The following TASP1 variants were observed in gnomAD, a reference collection of about 807,000 sequenced individuals.
TASP1 encodes the protein taspase 1.
A neutral mutation model predicts 56.6 loss-of-function variants in TASP1; 16 were observed. The observed-to-expected ratio is 0.28, with a 90% CI of 0.19 to 0.43. TASP1 has a LOEUF of 0.43. Among genes scored for constraint, TASP1 ranks in the 20% least tolerant of loss-of-function variants. TASP1 has a pLI of 1.00. For missense variants in TASP1, 393 were observed against 511.6 expected (o/e 0.77, Z 2.24); for synonymous variants, 179 against 184.2 (o/e 0.97, Z 0.23).
At chr20:13,610,590 T>C (rs1271824495) in intron 4 of TASP1, among the ~76,000 whole-genome samples, 1 of 152,162 alleles carries the variant, frequency 6.6e-6, no homozygotes, top group African/African-American at 2.4e-5. Flanking sequence ...CAAAATAAGA[T>C]TGCAAATTTT....
chr20:13,241,499 C>T, the TASP1 span, among the ~76,000 whole-genome samples: 6 of 152,046 alleles, frequency 3.9e-5, no homozygotes, highest in Admixed American at 2.0e-4. Flanking sequence ...ATTGGCCTTT[C>T]ACAGAAGCAG....
chr20:13,323,123 C>T, the TASP1 span, among the ~76,000 whole-genome samples: 2 of 152,050 alleles, frequency 1.3e-5, no homozygotes, highest in Non-Finnish European at 2.9e-5. Flanking sequence ...GCAATCAGAC[C>T]ACAACATGGA....
the TASP1 span, among the ~76,000 whole-genome samples, chr20:13,358,019 A>G: frequency 6.6e-6 from 1 of 152,172 alleles, no homozygotes; most frequent in Non-Finnish European, 1.5e-5. Flanking sequence ...ATTCCCCCAC[A>G]AAAGAAGTGT....
chr20:13,343,967 C>T, the TASP1 span, among the ~76,000 whole-genome samples: 4 of 152,046 alleles, frequency 2.6e-5, no homozygotes, highest in African/African-American at 7.2e-5. Context: ...CGGGCTTCTG[C>T]GCACTTCCTG....
In TASP1 at chr20:13,558,919, A is replaced by T. The variant is rs2046251657; in HGVS notation, c.675+89T>A. 4.1e-6 allele frequency: 3 copies of T among 729,342 alleles called. No homozygotes were observed. The East Asian group carries it at 8.7e-5, about 21-fold the overall frequency. 45.2% of individuals were successfully genotyped at this position (729,342 alleles called of 1,614,324 possible). A position where few individuals can be genotyped will look rare whatever the true frequency, so the allele number is the denominator to read the frequency against. Reference sequence around the variant, plus strand: ...CATATGTGACACACATTCTATTTCTACTGAATTGTATCGTCCTAAAGCTTG... The same window carrying T: ...CATATGTGACACACATTCTATTTCTTCTGAATTGTATCGTCCTAAAGCTTG... On this transcript the variant is annotated intron_variant, in intron 8 of 13. Transcript: ENST00000337743.
At chr20:13,497,503 G>A (rs2043776380) in intron 10 of TASP1, among the ~76,000 whole-genome samples, 3 of 152,196 alleles carry the variant, frequency 2.0e-5, no homozygotes, top group Admixed American at 1.3e-4. Flanking sequence ...GAGAAAGAGA[G>A]AAATTCCCCC....
chr20:13,632,318 T>C (rs2049123264), intron 1 of TASP1, among the ~76,000 whole-genome samples: 1 of 135,492 alleles, frequency 7.4e-6, no homozygotes, highest in Non-Finnish European at 1.5e-5. Flanking sequence ...TGAGCAGAGA[T>C]CACGCCACTG....
At chr20:13,288,728 T>C in the TASP1 span, 1 of 1,557,344 alleles carries the variant, frequency 6.4e-7, no homozygotes, top group Non-Finnish European at 8.7e-7. Flanking sequence ...GGGGAAAGCT[T>C]TTTAATTTAT....
intron 11 of TASP1, among the ~76,000 whole-genome samples, chr20:13,450,564 T>C (rs1204338488): frequency 6.6e-6 from 1 of 152,112 alleles, no homozygotes; most frequent in Non-Finnish European, 1.5e-5. Context: ...AAGAAATCAC[T>C]TTCTTTGCTC....
intron 7 of TASP1, 42 bp downstream of exon 7, chr20:13,569,465 T>C: frequency 6.8e-7 from 1 of 1,469,876 alleles, no homozygotes. Context: ...ACTTTAGGTA[T>C]ATATGCTCAT....
intron 11 of TASP1, among the ~76,000 whole-genome samples, chr20:13,436,798 G>A (rs2043021114): frequency 6.6e-6 from 1 of 152,102 alleles, no homozygotes; most frequent in Non-Finnish European, 1.5e-5. Context: ...ACACCCCCAA[G>A]AAAACGTGTC....
intron 11 of TASP1, among the ~76,000 whole-genome samples, chr20:13,476,542 T>C (rs926978766): frequency 6.6e-6 from 1 of 152,182 alleles, no homozygotes; most frequent in African/African-American, 2.4e-5. Flanking sequence ...TCACCTTATA[T>C]TTTATTTACT....
At chr20:13,108,407 G>C in the TASP1 span, among the ~76,000 whole-genome samples, 6 of 152,138 alleles carry the variant, frequency 3.9e-5, no homozygotes, top group African/African-American at 1.4e-4. Context: ...AAACAGATCT[G>C]AGCACAGACT....
intron 13 of TASP1, among the ~76,000 whole-genome samples, chr20:13,393,960 A>T (rs2041398869): frequency 6.6e-6 from 1 of 152,082 alleles, no homozygotes; most frequent in Non-Finnish European, 1.5e-5. Context: ...AGTGAATCAT[A>T]CTAGTTTGCC....
chr20:13,412,061 T>C (rs79879878), intron 13 of TASP1, among the ~76,000 whole-genome samples: 6 of 152,222 alleles, frequency 3.9e-5, no homozygotes, highest in Non-Finnish European at 5.9e-5. Context: ...GCCACTGCCA[T>C]GTATTTGGTG....
intron 10 of TASP1, among the ~76,000 whole-genome samples, chr20:13,491,514 T>C (rs928742779): frequency 1.3e-5 from 2 of 152,172 alleles, no homozygotes; most frequent in African/African-American, 4.8e-5. Context: ...CATGGGTGTT[T>C]TATGTTGCCT....
intron 1 of TASP1, among the ~76,000 whole-genome samples, chr20:13,632,534 T>C (rs1479263054): frequency 6.6e-6 from 1 of 152,214 alleles, no homozygotes; most frequent in Non-Finnish European, 1.5e-5. Context: ...AGGTGATTAA[T>C]ATTCCATTTC....
At chr20:13,520,633 C>T (rs927418327) in intron 10 of TASP1, among the ~76,000 whole-genome samples, 4 of 152,094 alleles carry the variant, frequency 2.6e-5, no homozygotes, top group African/African-American at 4.8e-5. Context: ...CAAGATGGAT[C>T]AAAGACTTAA....
intron 8 of TASP1, among the ~76,000 whole-genome samples, chr20:13,541,383 T>C (rs533573040): frequency 6.6e-6 from 1 of 152,252 alleles, no homozygotes. Context: ...AAGACATTTA[T>C]CAATATATAA....
Sources: gnomAD v4.1 joint callset for allele counts (sites outside exome capture counted in the v4.1 genomes callset) on GRCh38, gnomAD v4.1.1 for gene constraint, MANE v1.5 for transcripts, NCBI Gene and HGNC (gene_info 2026-07-23, HGNC 2026-07-21) for gene names.